The following RAD51B variants were observed in gnomAD, a reference collection of about 807,000 sequenced individuals.
The protein encoded by RAD51B is RAD51 paralog B, also known as DNA repair protein RAD51 homolog 2.
RAD51B carries 38 observed loss-of-function variants against 42.2 expected under a neutral mutation model. The observed-to-expected ratio is 0.90, with a 90% CI of 0.70 to 1.18. RAD51B has a LOEUF of 1.18. RAD51B is among the 50% of genes most tolerant of loss of function. The pLI is 0.00. For missense variants in RAD51B, 373 were observed against 400.7 expected (o/e 0.93, Z 0.59); for synonymous variants, 154 against 145.2 (o/e 1.06, Z -0.43).
chr14:68,678,180 G>A (rs533068728), intron 11 of RAD51B, among the ~76,000 whole-genome samples: 132 of 152,204 alleles, frequency 8.7e-4, no homozygotes, highest in African/African-American at 2.7e-3. Flanking sequence ...GTTCTTAACC[G>A]CTGAGCTCCA....
exon 11 of RAD51B, chr14:68,611,512 T>C: frequency 2.0e-6 from 1 of 500,400 alleles, no homozygotes; most frequent in Non-Finnish European, 3.6e-6. Flanking sequence ...CCTTGCAGCA[T>C]CTCTATTGTA....
intron 7 of RAD51B, among the ~76,000 whole-genome samples, chr14:68,047,278 T>C (rs1481222475): frequency 6.6e-6 from 1 of 152,106 alleles, no homozygotes; most frequent in African/African-American, 2.4e-5. Context: ...AGTGGTCTTG[T>C]TATTGAGGGA....
At chr14:67,937,980 T>A (rs1249062501) in intron 7 of RAD51B, among the ~76,000 whole-genome samples, 1 of 152,172 alleles carries the variant, frequency 6.6e-6, no homozygotes, top group Non-Finnish European at 1.5e-5. Context: ...TCAAGGTTTT[T>A]CTATAGAATG....
intron 10 of RAD51B, among the ~76,000 whole-genome samples, chr14:68,570,388 A>G (rs1048366897): frequency 1.3e-5 from 2 of 152,218 alleles, no homozygotes; most frequent in Non-Finnish European, 2.9e-5. Context: ...GGCTATGAGA[A>G]ACCAGCCTTG....
At chr14:68,622,734 A>AG in intron 10 of RAD51B, among the ~76,000 whole-genome samples, 1 of 151,932 alleles carries the variant, frequency 6.6e-6, no homozygotes, top group Admixed American at 6.5e-5. Flanking sequence ...AAAAAAAAAA[A>AG]AAAAAAAAAC....
intron 7 of RAD51B, among the ~76,000 whole-genome samples, chr14:68,070,585 T>C (rs543368211): frequency 8.5e-5 from 13 of 152,292 alleles, no homozygotes; most frequent in African/African-American, 3.1e-4. Context: ...ATCAGCTAGT[T>C]GTAGGTGTGT....
At chr14:68,162,561 G>T (rs921433450) in intron 7 of RAD51B, among the ~76,000 whole-genome samples, 1 of 152,138 alleles carries the variant, frequency 6.6e-6, no homozygotes, top group Middle Eastern at 3.2e-3. Flanking sequence ...GGAGGCAGGC[G>T]AATCATGAGG....
At chr14:68,443,739 T>C (rs562576904) in intron 9 of RAD51B, among the ~76,000 whole-genome samples, 5 of 152,284 alleles carry the variant, frequency 3.3e-5, no homozygotes, top group African/African-American at 1.2e-4. Flanking sequence ...CTGCCCCAGC[T>C]TGTCCACCTT....
At chr14:68,475,937 T>C (rs975613628) in intron 10 of RAD51B, among the ~76,000 whole-genome samples, 4 of 152,106 alleles carry the variant, frequency 2.6e-5, no homozygotes, top group African/African-American at 9.7e-5. Context: ...TCATGTTCTT[T>C]CTGGAATATG....
intron 7 of RAD51B, among the ~76,000 whole-genome samples, chr14:68,099,791 T>C (rs927660888): frequency 6.6e-6 from 1 of 152,166 alleles, no homozygotes; most frequent in Non-Finnish European, 1.5e-5. Context: ...GTTGTTCTGC[T>C]TAGATGGAAT....
intron 10 of RAD51B, 27 bp from the exon 11 acceptor site, chr14:68,477,621 T>C: frequency 6.2e-7 from 1 of 1,600,654 alleles, no homozygotes. Flanking sequence ...TTTTTCAAAC[T>C]TTCTCTTTTT....
chr14:68,410,495 GT>G (rs1442733108), intron 8 of RAD51B, among the ~76,000 whole-genome samples: 2 of 152,196 alleles, frequency 1.3e-5, no homozygotes, highest in Non-Finnish European at 2.9e-5. Context: ...ATGTCCAACT[GT>G]GCCCTCCTAA....
intron 7 of RAD51B, among the ~76,000 whole-genome samples, chr14:68,134,539 G>T (rs1303133939): frequency 1.3e-5 from 2 of 152,056 alleles, no homozygotes; most frequent in Non-Finnish European, 2.9e-5. Flanking sequence ...CCAGAATGGC[G>T]ATTCCATTTT....
At chr14:67,957,414 A>G (rs2074573313) in intron 7 of RAD51B, among the ~76,000 whole-genome samples, 1 of 152,168 alleles carries the variant, frequency 6.6e-6, no homozygotes. Context: ...TTTCAAAACC[A>G]AAGGGACAAA....
At chr14:68,569,772 G>A (rs1041039924) in intron 10 of RAD51B, among the ~76,000 whole-genome samples, 1 of 152,202 alleles carries the variant, frequency 6.6e-6, no homozygotes, top group African/African-American at 2.4e-5. Context: ...CGGGCCTGAA[G>A]CAGCCTGCAT....
chr14:68,008,169 A>G lies in RAD51B; in HGVS notation c.756+120965A>G, dbSNP rs565566648. 1.5e-4 allele frequency among the ~76,000 whole-genome samples: 23 copies of G among 152,056 alleles called. No individual in the cohort carries two copies. The South Asian group carries it at 3.1e-3, about 21-fold the overall frequency. The stretch of plus-strand genomic sequence containing the variant: ...TGAGAAAATAATCATTATTTTGCAT[A>G]TAGATTACATACAGTGATACTCATG... On this transcript the variant is annotated intron_variant, in intron 7 of 10. Coordinates refer to ENST00000471583, the MANE Select transcript of RAD51B (RefSeq NM_133510.4).
chr14:68,101,371 C>T (rs1164416717), intron 7 of RAD51B, among the ~76,000 whole-genome samples: 2 of 152,184 alleles, frequency 1.3e-5, no homozygotes, highest in Admixed American at 6.5e-5. Flanking sequence ...TCCAAAGTCT[C>T]ATCCGAGACA....
chr14:68,619,249 T>C (rs1426940277), intron 10 of RAD51B, among the ~76,000 whole-genome samples: 1 of 152,060 alleles, frequency 6.6e-6, no homozygotes, highest in Non-Finnish European at 1.5e-5. Context: ...CTGAGGTGGG[T>C]GGATCACGAG....
At chr14:67,940,652 C>T (rs1056553240) in intron 7 of RAD51B, among the ~76,000 whole-genome samples, 3 of 152,006 alleles carry the variant, frequency 2.0e-5, no homozygotes, top group African/African-American at 7.2e-5. Flanking sequence ...GATATAAGTT[C>T]TCATTACCTC....
Sources: gnomAD v4.1 joint callset for allele counts (sites outside exome capture counted in the v4.1 genomes callset) on GRCh38, gnomAD v4.1.1 for gene constraint, MANE v1.5 for transcripts, NCBI Gene and HGNC (gene_info 2026-07-23, HGNC 2026-07-21) for gene names.